The following POLR2D variants were observed in gnomAD, a reference collection of about 807,000 sequenced individuals.
POLR2D encodes RNA polymerase II subunit D.
Under a neutral mutation model 17.6 loss-of-function variants are expected in POLR2D, and 10 were observed. That is an observed-to-expected ratio of 0.57 (90% confidence interval 0.35 to 0.96). The LOEUF is 0.96. POLR2D is among the 40% of genes least tolerant of loss of function. POLR2D has a pLI of 0.02. For synonymous variants in POLR2D, 52 were observed against 60.2 expected (o/e 0.86, Z 0.63); for missense variants, 126 against 176.4 (o/e 0.71, Z 1.62).
chr2:127,852,933 A>G lies in POLR2D; in HGVS notation c.246T>C (p.Ser82=). The change falls in exon 2 of 4, where the codon AGT becomes AGC. Residue 82 remains serine (S), a synonymous_variant. Coordinates refer to ENST00000272645, the MANE Select transcript of POLR2D (RefSeq NM_004805.4). This position sits in a 1 kb window ranked among gnomAD's most constrained non-coding sequence, Gnocchi z 4.0. The stretch of plus-strand genomic sequence containing the variant: ...TTTCTTTTAGCACTCACCTACGAAC[A>G]CTGGCAATGGTCTCTCTGTTTTTGA... ...SRFKNRETIA[S]VRSLLLQKKL... 6.2e-7 allele frequency: 1 copy of G among 1,612,994 alleles called. No individual in the cohort carries two copies. Among genetic ancestry groups the G allele is most frequent in the Non-Finnish European group, 8.5e-7 (1 of 1,179,338 alleles).
intron 1 of POLR2D, among the ~76,000 whole-genome samples, chr2:127,855,417 A>AAAG (rs1690311931): frequency 1.4e-5 from 2 of 148,120 alleles, no homozygotes; most frequent in African/African-American, 5.3e-5. Context: ...AAAAAAAAAA[A>AAAG]AGAGAGATGG....
At chr2:127,849,193 C>T (rs1338345696) in intron 3 of POLR2D, among the ~76,000 whole-genome samples, 1 of 151,864 alleles carries the variant, frequency 6.6e-6, no homozygotes, top group East Asian at 1.9e-4. Context: ...TACAGTCGCA[C>T]ACCACCACAC....
In POLR2D at chr2:127,847,832, AGT is replaced by A. The variant is rs1690180985; in HGVS notation, c.*273_*274del. 1 of 453,074 alleles carries A rather than the reference AGT, an allele frequency of 2.2e-6. No homozygotes were observed. The highest frequency in any genetic ancestry group is 4.0e-6 in the Non-Finnish European group (1 of 251,698). 28.1% of individuals were successfully genotyped at this position (453,074 alleles called of 1,614,324 possible). On this transcript the variant is annotated 3_prime_UTR_variant, in exon 4 of 4. Coordinates refer to ENST00000272645, the MANE Select transcript of POLR2D (RefSeq NM_004805.4). ...AAAAACCAGGAATGAGGTAGTCAAC[AGT>A]GTGGTTATGTGACCCCTCATCTCAC...
Position 127,848,028 on chromosome 2 carries a change from G to A in POLR2D, c.*79C>T, listed in dbSNP as rs956397980. 1 of 982,322 alleles carries A rather than the reference G, an allele frequency of 1.0e-6. No individual in the cohort carries two copies. Among genetic ancestry groups the A allele is most frequent in the Admixed American group, 1.7e-5 (1 of 57,556 alleles). 60.9% of individuals were successfully genotyped at this position (982,322 alleles called of 1,614,324 possible). Reference sequence around the variant, plus strand: ...CAACTGTCTTCAACAGAATTTCTGTGCAAGTCAGCCCCAGACAGTGGGAAG... The same window carrying A: ...CAACTGTCTTCAACAGAATTTCTGTACAAGTCAGCCCCAGACAGTGGGAAG... On this transcript the variant is annotated 3_prime_UTR_variant, in exon 4 of 4. Coordinates refer to ENST00000272645, the MANE Select transcript of POLR2D (RefSeq NM_004805.4).
In POLR2D at chr2:127,846,554, A is replaced by C. The variant is rs73955341; in HGVS notation, c.*1553T>G. The C allele has an allele frequency of 6.6e-6, 1 of 152,138 alleles. No individual in the cohort carries two copies. Among genetic ancestry groups the C allele is most frequent in the African/African-American group, 2.4e-5 (1 of 41,414 alleles). 9.4% of individuals were successfully genotyped at this position (152,138 alleles called of 1,614,324 possible). ...CTCCCTCCTTCCAAATAAAGCACTT[A>C]TTGCTAATTAGCAGGCCAGAGGCTT... is the stretch of plus-strand genomic sequence containing the variant. On this transcript the variant is annotated 3_prime_UTR_variant, in exon 4 of 4. Transcript: ENST00000272645.
intron 3 of POLR2D, among the ~76,000 whole-genome samples, chr2:127,848,539 C>T (rs1299242827): frequency 3.9e-5 from 6 of 151,910 alleles, no homozygotes; most frequent in African/African-American, 9.7e-5. Context: ...GCCTACCAAA[C>T]GGAGTCTTGC....
Position 127,850,705 on chromosome 2 carries a change from A to G in POLR2D, c.255-20T>C. On this transcript the variant is annotated intron_variant, in intron 2 of 3. Coordinates refer to ENST00000272645, the MANE Select transcript of POLR2D (RefSeq NM_004805.4). ...AGCAAGCTAATCAAAAGGAAAAAAA[A>G]AAAATCAAAATAATCAAAAACAAAT... The G allele has an allele frequency of 1.7e-6, 2 of 1,162,210 alleles. No homozygotes were observed. Among genetic ancestry groups the G allele is most frequent in the African/African-American group, 1.6e-5 (1 of 64,088 alleles). 72.0% of individuals were successfully genotyped at this position (1,162,210 alleles called of 1,614,324 possible).
At position 127,844,869 on chromosome 2, in the gene POLR2D, G is replaced by C. The variant is rs757520191; in HGVS notation, c.*3238C>G. 2.6e-5 allele frequency: 4 copies of C among 152,176 alleles called. No individual in the cohort carries two copies. Among genetic ancestry groups the C allele is most frequent in the Non-Finnish European group, 5.9e-5 (4 of 68,064 alleles). The allele number at this position is 152,176 out of a possible 1,614,324, so 9.4% of individuals were successfully genotyped here. ...GGGTTTCACAACGTTGGCCAGGCTG[G>C]TCTCGAACTTCTGACCTCTGGTGAT... is the stretch of plus-strand genomic sequence containing the variant. On this transcript the variant is annotated 3_prime_UTR_variant, in exon 4 of 4. Transcript: ENST00000272645.
chr2:127,848,920 A>G (rs560471887), intron 3 of POLR2D, among the ~76,000 whole-genome samples: 38 of 152,112 alleles, frequency 2.5e-4, no homozygotes, highest in African/African-American at 8.9e-4. Context: ...TCAACCTCCC[A>G]AAGTGCTGGG....
At chr2:127,849,603 T>A (rs1473303523) in intron 3 of POLR2D, among the ~76,000 whole-genome samples, 2 of 152,230 alleles carry the variant, frequency 1.3e-5, no homozygotes, top group Non-Finnish European at 2.9e-5. Flanking sequence ...TTCCTCAAAA[T>A]TCATTCTGGC....
chr2:127,851,049 C>T (rs776491325), intron 2 of POLR2D, among the ~76,000 whole-genome samples: 3 of 151,954 alleles, frequency 2.0e-5, no homozygotes, highest in South Asian at 2.1e-4. Flanking sequence ...GGTGAAACCC[C>T]GTCTCTACTA....
chr2:127,850,307 G>A (rs1247774125), intron 3 of POLR2D, among the ~76,000 whole-genome samples: 1 of 151,888 alleles, frequency 6.6e-6, no homozygotes, highest in Admixed American at 6.6e-5. Context: ...AAGTGTGGTG[G>A]TGCGTGCCTG....
chr2:127,857,940 G>C, intron 1 of POLR2D, 88 bp downstream of exon 1: 1 of 1,505,854 alleles, frequency 6.6e-7, no homozygotes, highest in Non-Finnish European at 8.9e-7. Flanking sequence ...CGCCGCTGAG[G>C]CAGGGCCTTG....
intron 2 of POLR2D, among the ~76,000 whole-genome samples, chr2:127,851,253 A>G (rs1480052138): frequency 6.6e-6 from 1 of 152,038 alleles, no homozygotes; most frequent in African/African-American, 2.4e-5. Context: ...AACCAAAAAA[A>G]CAAAAAACTA....
intron 3 of POLR2D, among the ~76,000 whole-genome samples, chr2:127,848,863 C>G (rs1690198204): frequency 1.3e-5 from 2 of 151,934 alleles, no homozygotes; most frequent in Non-Finnish European, 2.9e-5. Context: ...GGTTTCACCA[C>G]TGGCGAGGCT....
At chr2:127,854,035 T>A (rs556931571) in intron 1 of POLR2D, among the ~76,000 whole-genome samples, 38 of 152,316 alleles carry the variant, frequency 2.5e-4, no homozygotes, top group Non-Finnish European at 4.4e-4. Flanking sequence ...ACTTCCATAA[T>A]GCTAGTATTA....
rs1690111181 is a variant in POLR2D at position 127,844,106 on chromosome 2, C to CAAAAAAAAAAAAA, written c.*4000_*4001insTTTTTTTTTTTTT. ...GCGACAGAGCAAGATCCTGCTGTAT[C>CAAAAAAAAAAAAA]CAAAAAAAAAAAAAAAAAAAGCCTG... On this transcript the variant is annotated 3_prime_UTR_variant, in exon 4 of 4. Transcript: ENST00000272645. The CAAAAAAAAAAAAA allele has an allele frequency of 2.5e-5, 1 of 40,270 alleles. No homozygotes were observed. The highest frequency in any genetic ancestry group is 4.1e-4 in the East Asian group (1 of 2,418). The allele number at this position is 40,270 out of a possible 1,614,324, so 2.5% of individuals were successfully genotyped here.
intron 1 of POLR2D, among the ~76,000 whole-genome samples, chr2:127,855,755 T>A (rs1690316769): frequency 6.6e-6 from 1 of 152,182 alleles, no homozygotes. Flanking sequence ...TCCCCATGGC[T>A]AATCCCAAGG....
intron 1 of POLR2D, among the ~76,000 whole-genome samples, chr2:127,854,763 T>A (rs1209114024): frequency 1.3e-5 from 2 of 149,408 alleles, no homozygotes; most frequent in African/African-American, 2.5e-5. Context: ...GGCAGGAGAG[T>A]TTAAACGAAA....
Sources: allele counts gnomAD v4.1 joint callset (sites outside exome capture counted in the v4.1 genomes callset), GRCh38; gene constraint gnomAD v4.1.1; non-coding constraint Gnocchi (gnomAD v3.1); transcripts MANE v1.5; gene names NCBI Gene and HGNC (gene_info 2026-07-23, HGNC 2026-07-21).